The following CELF2 variants were observed in gnomAD, a reference collection of about 807,000 sequenced individuals.
CELF2 encodes the protein CUG triplet repeat RNA-binding protein 2.
Under a neutral mutation model 62.6 loss-of-function variants are expected in CELF2, and 8 were observed. The ratio of observed to expected loss-of-function variants is 0.13; its 90% CI spans 0.07 to 0.23. CELF2 has a LOEUF of 0.23. CELF2 is among the 10% of genes least tolerant of loss of function. The pLI is 1.00. For missense variants in CELF2, 333 were observed against 671.0 expected (o/e 0.50, Z 5.56); for synonymous variants, 258 against 250.0 (o/e 1.03, Z -0.30).
chr10:10,661,349 C>A, the CELF2 span, among the ~76,000 whole-genome samples: 1 of 152,186 alleles, frequency 6.6e-6, no homozygotes, highest in African/African-American at 2.4e-5. Flanking sequence ...AGCTCATGCT[C>A]TTTATTGCTG....
chr10:10,545,282 T>C, the CELF2 span, among the ~76,000 whole-genome samples: 1 of 152,224 alleles, frequency 6.6e-6, no homozygotes, highest in Non-Finnish European at 1.5e-5. Flanking sequence ...TGTGCTGGTA[T>C]GTTGTCAGGA....
At chr10:10,795,217 A>G (rs2131395534), upstream of CELF2, among the ~76,000 whole-genome samples, 1 of 151,226 alleles carries the variant, frequency 6.6e-6, no homozygotes, top group East Asian at 2.0e-4. Context: ...ACAATCACGA[A>G]TGTTGCATTA....
chr10:10,691,777 ATG>A, the CELF2 span, among the ~76,000 whole-genome samples: 11 of 146,090 alleles, frequency 7.5e-5, no homozygotes, highest in Non-Finnish European at 7.5e-5. Context: ...GCATTTTTTC[ATG>A]TGTTTTTTGG....
chr10:10,883,939 C>T (rs973231638), intron 1 of CELF2, among the ~76,000 whole-genome samples: 1 of 151,726 alleles, frequency 6.6e-6, no homozygotes, highest in Non-Finnish European at 1.5e-5. Flanking sequence ...TCCTCCTCCT[C>T]ATCCTCTTTA....
chr10:10,470,551 A>G, the CELF2 span, among the ~76,000 whole-genome samples: 7 of 151,960 alleles, frequency 4.6e-5, no homozygotes, highest in Admixed American at 2.0e-4. Flanking sequence ...GAAGTCACAC[A>G]TATCCCATGA....
rs542552127 is a variant in CELF2, at chr10:10,825,400, C to T, written c.53+26583C>T. Reference sequence around the variant, plus strand: ...AATTTTTTGTATTTTTTAGTAGAGACGGGGTTTCACTGTGTTAGCCAGGCT... The same window carrying T: ...AATTTTTTGTATTTTTTAGTAGAGATGGGGTTTCACTGTGTTAGCCAGGCT... On this transcript the variant is annotated intron_variant, in intron 1 of 13. Transcript: ENST00000636488. 6.8e-4 allele frequency among the ~76,000 whole-genome samples: 103 copies of T among 152,050 alleles called. 1 individual carries two copies. Among genetic ancestry groups the T allele is most frequent in the African/African-American group, 2.4e-3 (98 of 41,458 alleles).
At chr10:10,577,798 T>C in the CELF2 span, among the ~76,000 whole-genome samples, 3 of 152,312 alleles carry the variant, frequency 2.0e-5, no homozygotes, top group South Asian at 6.2e-4. Flanking sequence ...TTTGCTATTG[T>C]GAATATTGCC....
the CELF2 span, among the ~76,000 whole-genome samples, chr10:10,524,337 C>G: frequency 6.6e-6 from 1 of 151,186 alleles, no homozygotes; most frequent in African/African-American, 2.4e-5. Context: ...CAGATCTCTT[C>G]CTATTTGTGT....
the CELF2 span, among the ~76,000 whole-genome samples, chr10:10,564,666 A>ACACACACACACACACG: frequency 2.9e-5 from 3 of 102,240 alleles, no homozygotes; most frequent in African/African-American, 1.5e-4. Context: ...ACACACACAC[A>ACACACACACACACACG]CACACACGCA....
At position 11,007,485 on chromosome 10, in the gene CELF2, G is replaced by A. The variant is rs17149210; in HGVS notation, c.53+2045G>A. 6.0e-3 allele frequency among the ~76,000 whole-genome samples: 907 copies of A among 152,282 alleles called. 11 individuals are homozygous for A. Among genetic ancestry groups the A allele is most frequent in the African/African-American group, 0.021 (872 of 41,548 alleles). On this transcript the variant is annotated intron_variant, in intron 1 of 12. Transcript: ENST00000416382. ...TTTTTCTATGGACAGTATTTTCAGA[G>A]TAGGTACACTCAAAACATATGTGCA...
chr10:11,258,536 T>G (rs534405559), intron 5 of CELF2, among the ~76,000 whole-genome samples: 18 of 152,346 alleles, frequency 1.2e-4, no homozygotes, highest in South Asian at 2.1e-4. Context: ...AGCTGGTGTT[T>G]ACAGAATAGT....
intron 1 of CELF2, among the ~76,000 whole-genome samples, chr10:10,846,641 A>G (rs1188899367): frequency 2.0e-5 from 3 of 152,222 alleles, no homozygotes; most frequent in Non-Finnish European, 2.9e-5. Context: ...CGCAAAGCCA[A>G]TGTGAAGCAT....
At chr10:10,904,593 A>G (rs964814334) in intron 1 of CELF2, among the ~76,000 whole-genome samples, 2 of 152,194 alleles carry the variant, frequency 1.3e-5, no homozygotes, top group Non-Finnish European at 2.9e-5. Flanking sequence ...GATTGCACAC[A>G]ACATCCATAG....
chr10:10,684,352 C>T, the CELF2 span, among the ~76,000 whole-genome samples: 4 of 152,156 alleles, frequency 2.6e-5, no homozygotes, highest in Non-Finnish European at 5.9e-5. Context: ...TTCTACGTCC[C>T]GCCTTCTTAC....
the CELF2 span, among the ~76,000 whole-genome samples, chr10:10,666,345 G>T: frequency 6.6e-6 from 1 of 152,112 alleles, no homozygotes; most frequent in Non-Finnish European, 1.5e-5. Context: ...CAGGTTGTGG[G>T]TTGGTGCCCA....
chr10:10,654,519 C>G, the CELF2 span, among the ~76,000 whole-genome samples: 1 of 106,270 alleles, frequency 9.4e-6, no homozygotes, highest in African/African-American at 3.5e-5. Context: ...GCTTATCCAC[C>G]ATGATCAAGT....
chr10:10,635,544 TTTAA>T, the CELF2 span, among the ~76,000 whole-genome samples: 1 of 152,334 alleles, frequency 6.6e-6, no homozygotes, highest in South Asian at 2.1e-4. Context: ...GGTGGCTATC[TTTAA>T]TTAAGCCCCA....
At chr10:11,233,359 GC>G (rs1176701062) in intron 3 of CELF2, among the ~76,000 whole-genome samples, 1 of 152,176 alleles carries the variant, frequency 6.6e-6, no homozygotes, top group African/African-American at 2.4e-5. Context: ...ATCAAATGCT[GC>G]CCTTTAAACA....
rs2242451 is a variant in CELF2 at position 11,260,708 on chromosome 10, G to A, written c.538+2836G>A. 0.24 allele frequency among the ~76,000 whole-genome samples: 35,901 copies of A among 150,114 alleles called. 5,694 individuals are homozygous for A. The highest frequency in any genetic ancestry group is 0.46 in the African/African-American group (18,787 of 40,836). On this transcript the variant is annotated intron_variant, in intron 5 of 12. Transcript: ENST00000633077. This position sits in a 1 kb window ranked among gnomAD's most constrained non-coding sequence, Gnocchi z 4.2. ...TCTGGTGAACTGATGAGAATTCCCT[G>A]TTGCAAAAAAAGAAAAATAAGAAAG...
Sources: allele counts gnomAD v4.1 joint callset (sites outside exome capture counted in the v4.1 genomes callset), GRCh38; gene constraint gnomAD v4.1.1; non-coding constraint Gnocchi (gnomAD v3.1); transcripts MANE v1.5; gene names NCBI Gene and HGNC (gene_info 2026-07-23, HGNC 2026-07-21).